GRM8: variants seen among roughly 807,000 people sequenced by gnomAD.
GRM8 encodes glutamate metabotropic receptor 8, also known as metabotropic glutamate receptor 8.
In GRM8, 47 loss-of-function variants were observed where a neutral mutation model predicts 87.2. The observed-to-expected ratio is 0.54, with a 90% CI of 0.43 to 0.69. The LOEUF is 0.69. Among genes scored for constraint, GRM8 ranks in the 30% least tolerant of loss-of-function variants. GRM8 has a pLI of 0.00. For missense variants in GRM8, 1,019 were observed against 1,139.2 expected, an observed-to-expected ratio of 0.89 and a Z score of 1.52; for synonymous variants, 396 against 404.5, an observed-to-expected ratio of 0.98 and a Z score of 0.25.
At chr7:126,809,353 CA>C (rs1371469124) in intron 6 of GRM8, among the ~76,000 whole-genome samples, 1 of 152,138 alleles carries the variant, frequency 6.6e-6, no homozygotes, top group Non-Finnish European at 1.5e-5. Flanking sequence ...CTGCTTACCA[CA>C]ACATTTTACC....
At chr7:126,458,905 A>G (rs1463579335) in intron 9 of GRM8, among the ~76,000 whole-genome samples, 1 of 151,286 alleles carries the variant, frequency 6.6e-6, no homozygotes, top group Non-Finnish European at 1.5e-5. Flanking sequence ...AAACTTGTGG[A>G]TACAACCTAA....
chr7:127,083,504 G>A (rs1823095440), intron 3 of GRM8, among the ~76,000 whole-genome samples: 2 of 151,992 alleles, frequency 1.3e-5, no homozygotes, highest in Non-Finnish European at 2.9e-5. Context: ...ACCATCAGAA[G>A]GAACTCCCTC....
At chr7:126,681,957 T>G (rs557518867) in intron 7 of GRM8, among the ~76,000 whole-genome samples, 1 of 152,322 alleles carries the variant, frequency 6.6e-6, no homozygotes, top group Admixed American at 6.5e-5. Context: ...GAGTATGTTT[T>G]ACTTGAATTT....
chr7:126,679,110 A>G (rs1039016193), intron 7 of GRM8, among the ~76,000 whole-genome samples: 2 of 152,168 alleles, frequency 1.3e-5, no homozygotes, highest in Non-Finnish European at 2.9e-5. Flanking sequence ...ACTGTAGGCC[A>G]TCTTCCAGGG....
At chr7:126,851,989 G>T (rs1797256647) in intron 6 of GRM8, among the ~76,000 whole-genome samples, 1 of 152,180 alleles carries the variant, frequency 6.6e-6, no homozygotes, top group African/African-American at 2.4e-5. Flanking sequence ...CCATGCCAGA[G>T]AGAGTAGATA....
intron 3 of GRM8, among the ~76,000 whole-genome samples, chr7:127,075,180 A>G (rs931319863): frequency 6.6e-6 from 1 of 152,118 alleles, no homozygotes; most frequent in Non-Finnish European, 1.5e-5. Flanking sequence ...TAAAGGTGGG[A>G]GATGGGATGG....
At chr7:126,921,506 AGAAAG>A (rs1804530969) in intron 3 of GRM8, among the ~76,000 whole-genome samples, 1 of 152,166 alleles carries the variant, frequency 6.6e-6, no homozygotes, top group Non-Finnish European at 1.5e-5. Flanking sequence ...CAAAAAGAAA[AGAAAG>A]GAAGGGGAAG....
intron 6 of GRM8, among the ~76,000 whole-genome samples, chr7:126,814,210 C>A (rs1196377862): frequency 1.3e-5 from 2 of 152,040 alleles, no homozygotes; most frequent in African/African-American, 2.4e-5. Context: ...AGTTTTATCA[C>A]CAATAAGTTA....
At chr7:126,457,036 G>A (rs936857417) in intron 9 of GRM8, among the ~76,000 whole-genome samples, 3 of 151,296 alleles carry the variant, frequency 2.0e-5, no homozygotes, top group Non-Finnish European at 4.4e-5. Context: ...TACATAATAC[G>A]ATATTTTCAT....
At position 127,106,629 on chromosome 7, in the gene GRM8, A is replaced by G. The variant is rs1027431394; in HGVS notation, c.594T>C (p.Pro198=). The stretch of plus-strand genomic sequence containing the variant: ...CCATGGCTTGGGCTTGGTAGGAGTC[A>G]GGCGGAACCACTCGAGAGAAAAAGT... ...RYDFFSRVVP[P]DSYQAQAMVD... Residue 198 remains proline, a synonymous_variant, in exon 3 of 11, where the codon CCT becomes CCC. Coordinates refer to ENST00000339582, the MANE Select transcript of GRM8 (RefSeq NM_000845.3). 6.2e-7 allele frequency: 1 copy of G among 1,613,896 alleles called. No homozygotes were observed. The highest frequency in any genetic ancestry group is 1.3e-5 in the African/African-American group (1 of 74,920).
intron 3 of GRM8, among the ~76,000 whole-genome samples, chr7:126,921,031 C>T (rs1254732124): frequency 1.3e-5 from 2 of 152,116 alleles, no homozygotes; most frequent in Non-Finnish European, 2.9e-5. Context: ...ATGTCAGCAC[C>T]TCACTCTTAA....
intron 6 of GRM8, among the ~76,000 whole-genome samples, chr7:126,899,104 A>AGTGTGTGTGTGTGTGTGT (rs71177573): frequency 0.069 from 9,686 of 140,162 alleles, 389 homozygotes; most frequent in Middle Eastern, 0.13. Context: ...ACTGGTTAAC[A>AGTGTGTGTGTGTGTGTGT]GTGTGTGTGT....
At chr7:127,138,164 G>A (rs905432598) in intron 2 of GRM8, among the ~76,000 whole-genome samples, 4 of 152,156 alleles carry the variant, frequency 2.6e-5, no homozygotes, top group African/African-American at 9.7e-5. Flanking sequence ...TAACGGTTCA[G>A]TGCAGAGCTG....
At chr7:126,524,947 T>G (rs1416992471) in intron 9 of GRM8, among the ~76,000 whole-genome samples, 1 of 152,248 alleles carries the variant, frequency 6.6e-6, no homozygotes, top group African/African-American at 2.4e-5. Flanking sequence ...CATTTTCTTA[T>G]ATTTCCTGAA....
At chr7:126,889,162 C>A (rs1800763735) in intron 6 of GRM8, among the ~76,000 whole-genome samples, 2 of 152,110 alleles carry the variant, frequency 1.3e-5, no homozygotes. Context: ...GAAACCAGAG[C>A]AATTTGAGTG....
At chr7:126,857,911 T>C (rs1235342366) in intron 6 of GRM8, among the ~76,000 whole-genome samples, 1 of 152,018 alleles carries the variant, frequency 6.6e-6, no homozygotes, top group Non-Finnish European at 1.5e-5. Flanking sequence ...ATCCTGCCAC[T>C]ACATTTCCAG....
intron 9 of GRM8, among the ~76,000 whole-genome samples, chr7:126,500,820 T>C (rs2150693908): frequency 6.6e-6 from 1 of 152,080 alleles, no homozygotes; most frequent in East Asian, 2.0e-4. Context: ...AGGTAATGTA[T>C]CAACCAAAAG....
intron 2 of GRM8, among the ~76,000 whole-genome samples, chr7:127,217,641 G>A (rs778813923): frequency 6.6e-6 from 1 of 152,192 alleles, no homozygotes; most frequent in African/African-American, 2.4e-5. Flanking sequence ...TATAAAACCA[G>A]GATGTGGCTC....
At chr7:127,043,006 T>G (rs1162836351) in intron 3 of GRM8, among the ~76,000 whole-genome samples, 1 of 151,996 alleles carries the variant, frequency 6.6e-6, no homozygotes, top group African/African-American at 2.4e-5. Context: ...AAAAGACACA[T>G]GAAAAAAGGC....
Sources: allele counts gnomAD v4.1 joint callset (sites outside exome capture counted in the v4.1 genomes callset), GRCh38; gene constraint gnomAD v4.1.1; transcripts MANE v1.5; gene names NCBI Gene and HGNC (gene_info 2026-07-23, HGNC 2026-07-21).